The following GSDMC variants were observed in gnomAD, a reference collection of about 807,000 sequenced individuals.
The protein encoded by GSDMC is gasdermin C.
Under a neutral mutation model 58.0 loss-of-function variants are expected in GSDMC, and 59 were observed. The ratio of observed to expected loss-of-function variants is 1.02; its 90% CI spans 0.82 to 1.26. The LOEUF (loss-of-function observed/expected upper bound fraction) is 1.26, where lower values mean the gene tolerates loss of function less well. GSDMC is among the 50% of genes most tolerant of loss of function. The pLI, the probability that GSDMC is intolerant of heterozygous loss-of-function variation, is 0.00. For synonymous variants in GSDMC, 241 were observed against 220.2 expected (o/e 1.09, Z -0.83); for missense variants, 659 against 598.5 (o/e 1.10, Z -1.06).
chr8:129,725,451 A>T, the GSDMC span, among the ~76,000 whole-genome samples: 2 of 152,184 alleles, frequency 1.3e-5, no homozygotes, highest in Non-Finnish European at 2.9e-5. Context: ...GTGGCCTGGC[A>T]TCTCAGTTAC....
the GSDMC span, among the ~76,000 whole-genome samples, chr8:129,719,317 C>A: frequency 0.62 from 94,313 of 152,078 alleles, 31,757 homozygotes; most frequent in African/African-American, 0.88. Flanking sequence ...ATTCATCAAG[C>A]AAACATAACA....
chr8:129,781,314 G>T (rs542327603), intron 1 of GSDMC, among the ~76,000 whole-genome samples: 1 of 152,018 alleles, frequency 6.6e-6, no homozygotes, highest in Non-Finnish European at 1.5e-5. Context: ...GATAAACATG[G>T]AATAAAAACA....
chr8:129,745,243 G>T (rs1455030703), downstream of GSDMC, among the ~76,000 whole-genome samples: 1 of 152,182 alleles, frequency 6.6e-6, no homozygotes, highest in Admixed American at 6.5e-5. Context: ...TGAAGTTTTT[G>T]AAACCTTTTT....
At chr8:129,762,034 C>G (rs1366333412) in intron 5 of GSDMC, among the ~76,000 whole-genome samples, 2 of 152,152 alleles carry the variant, frequency 1.3e-5, no homozygotes, top group African/African-American at 4.8e-5. Flanking sequence ...AGTTGTGTTC[C>G]CAGCACTCAC....
chr8:129,744,780 C>CATATGGCAT (rs1225114650), downstream of GSDMC, among the ~76,000 whole-genome samples: 1 of 152,172 alleles, frequency 6.6e-6, no homozygotes, highest in Non-Finnish European at 1.5e-5. Flanking sequence ...GCTTACATCC[C>CATATGGCAT]CCTTGTCATA....
chr8:129,776,492 G>T (rs2034230623), intron 2 of GSDMC, among the ~76,000 whole-genome samples: 1 of 152,084 alleles, frequency 6.6e-6, no homozygotes, highest in African/African-American at 2.4e-5. Context: ...TATTTAAATG[G>T]GCATTGTGTG....
the GSDMC span, among the ~76,000 whole-genome samples, chr8:129,733,211 G>A: frequency 2.2e-4 from 30 of 137,936 alleles, no homozygotes; most frequent in Admixed American, 1.1e-3. Context: ...TGTTGCCTCT[G>A]TAGATTCCAC....
the GSDMC span, among the ~76,000 whole-genome samples, chr8:129,738,039 G>C: frequency 6.6e-6 from 1 of 152,208 alleles, no homozygotes. Context: ...AGACATTTAT[G>C]CAGCCAACAG....
chr8:129,775,352 TA>T (rs1407303866), intron 3 of GSDMC, among the ~76,000 whole-genome samples: 1 of 152,150 alleles, frequency 6.6e-6, no homozygotes, highest in African/African-American at 2.4e-5. Flanking sequence ...ATGTGGAACC[TA>T]AAAAAGTCAA....
the GSDMC span, among the ~76,000 whole-genome samples, chr8:129,737,966 G>GA: frequency 1.3e-5 from 2 of 151,864 alleles, no homozygotes; most frequent in African/African-American, 2.4e-5. Context: ...AAATTTACAA[G>GA]AAAAAAACAA....
At chr8:129,729,154 G>A in the GSDMC span, 2 of 665,486 alleles carry the variant, frequency 3.0e-6, no homozygotes, top group Admixed American at 3.8e-5. Context: ...AGGCAATGTT[G>A]TTTACTTCAG....
the GSDMC span, among the ~76,000 whole-genome samples, chr8:129,713,761 T>G: frequency 6.6e-6 from 1 of 152,044 alleles, no homozygotes; most frequent in Non-Finnish European, 1.5e-5. Context: ...AGTGACACTG[T>G]GTAACTAAGG....
chr8:129,768,489 T>A (rs2033941338), intron 3 of GSDMC, among the ~76,000 whole-genome samples: 1 of 152,008 alleles, frequency 6.6e-6, no homozygotes. Flanking sequence ...AAGAAAACGA[T>A]ACACAAAATT....
At chr8:129,722,254 A>G in the GSDMC span, among the ~76,000 whole-genome samples, 1 of 152,166 alleles carries the variant, frequency 6.6e-6, no homozygotes, top group Non-Finnish European at 1.5e-5. Context: ...AGTGTGAAAA[A>G]TTTCAGAGCC....
chr8:129,762,519 G>T, intron 5 of GSDMC, 107 bp downstream of exon 5: 1 of 750,876 alleles, frequency 1.3e-6, no homozygotes, highest in Non-Finnish European at 2.4e-6. Flanking sequence ...TGGATAGGCA[G>T]AGCATCAAAG....
intron 6 of GSDMC, among the ~76,000 whole-genome samples, chr8:129,754,053 C>T (rs542629383): frequency 1.3e-5 from 2 of 152,358 alleles, no homozygotes; most frequent in South Asian, 2.1e-4. Flanking sequence ...TCTCTGTACC[C>T]ACCCAAGGCC....
chr8:129,775,594 T>A (rs7825839), intron 3 of GSDMC, among the ~76,000 whole-genome samples: 5 of 152,074 alleles, frequency 3.3e-5, no homozygotes, highest in African/African-American at 9.7e-5. Context: ...TATACATACA[T>A]CAAATCATCA....
the GSDMC span, among the ~76,000 whole-genome samples, chr8:129,738,057 T>C: frequency 6.6e-6 from 1 of 151,996 alleles, no homozygotes; most frequent in Admixed American, 6.6e-5. Flanking sequence ...CAGACAGACA[T>C]GTGAAAAAAT....
chr8:129,759,591 A>C (rs1320835781), intron 6 of GSDMC, among the ~76,000 whole-genome samples: 1 of 152,206 alleles, frequency 6.6e-6, no homozygotes, highest in African/African-American at 2.4e-5. Context: ...ACATACGAAT[A>C]GCAAACAGAC....
Sources: allele counts gnomAD v4.1 joint callset (sites outside exome capture counted in the v4.1 genomes callset), GRCh38; gene constraint gnomAD v4.1.1; transcripts MANE v1.5; gene names NCBI Gene and HGNC (gene_info 2026-07-23, HGNC 2026-07-21).